MALRD1: variants seen among roughly 807,000 people sequenced by gnomAD.
MALRD1 encodes the protein MAM and LDL-receptor class A domain-containing protein 1.
Under a neutral mutation model 242.1 loss-of-function variants are expected in MALRD1, and 247 were observed. The ratio of observed to expected loss-of-function variants is 1.02; its 90% CI spans 0.92 to 1.13. The LOEUF is 1.13. Ranked by LOEUF, MALRD1 falls within the 50% of genes most tolerant of loss-of-function variation. The probability of loss-of-function intolerance (pLI) is 0.00; values close to 1 mark genes in which losing one functional copy is unlikely to be tolerated. For synonymous variants in MALRD1, 995 were observed against 866.6 expected (o/e 1.15, Z -2.60); for missense variants, 2,989 against 2,533.1 (o/e 1.18, Z -3.86).
chr10:19,469,752 A>G lies in MALRD1; in HGVS notation c.5029+19262A>G, dbSNP rs530732760. On this transcript the variant is annotated intron_variant, in intron 29 of 39. Coordinates refer to ENST00000454679, the MANE Select transcript of MALRD1 (RefSeq NM_001142308.3). ...TACATGCCAAAAATCAGTGTTGCAT[A>G]ATCAAAAATTGTTATTCGCTTTCTT... Among the ~76,000 whole-genome samples the G allele has an allele frequency of 1.8e-4, 27 of 152,200 alleles. No homozygotes were observed. In the South Asian group the frequency reaches 5.6e-3, roughly 31 times the overall value.
At chr10:19,186,192 A>G (rs1835730278) in intron 14 of MALRD1, among the ~76,000 whole-genome samples, 1 of 152,190 alleles carries the variant, frequency 6.6e-6, no homozygotes, top group Non-Finnish European at 1.5e-5. Flanking sequence ...ATTTTTCCTT[A>G]GTAAACTGGA....
chr10:19,444,439 C>T lies in MALRD1; in HGVS notation c.4846-5868C>T, dbSNP rs1028228078. ...TACAATTTGGCATGTTTTTGCAGTG[C>T]CTGGTACCAGTCGTTCTTTCCATGT... On this transcript the variant is annotated intron_variant, in intron 28 of 39. Transcript: ENST00000454679. Among the ~76,000 whole-genome samples the T allele has an allele frequency of 3.9e-5, 6 of 152,236 alleles. No homozygotes were observed. In the South Asian group the frequency reaches 1.2e-3, roughly 32 times the overall value.
chr10:19,731,982 T>C (rs1228550954), intron 39 of MALRD1, among the ~76,000 whole-genome samples: 2 of 152,188 alleles, frequency 1.3e-5, no homozygotes, highest in African/African-American at 4.8e-5. Context: ...CACTTGACTT[T>C]TTAATTTTTG....
At position 19,300,926 on chromosome 10, in the gene MALRD1, T is replaced by C. The variant is rs1166648509; in HGVS notation, c.3419+17745T>C. 2.6e-5 allele frequency among the ~76,000 whole-genome samples: 4 copies of C among 152,162 alleles called. No homozygotes were observed. The East Asian group carries it at 7.7e-4, about 29-fold the overall frequency. ...CTATCAACAGAGTAAACAGAAAATCTATAGAATGGGAGAAAATATTTGCAA... is the reference window on the plus strand; with the variant it reads ...CTATCAACAGAGTAAACAGAAAATCCATAGAATGGGAGAAAATATTTGCAA... On this transcript the variant is annotated intron_variant, in intron 21 of 39. Transcript: ENST00000454679.
chr10:19,644,272 C>G (rs1048252459), intron 36 of MALRD1, among the ~76,000 whole-genome samples: 1 of 152,168 alleles, frequency 6.6e-6, no homozygotes. Context: ...GGTTCCCTAA[C>G]TACAGGAACC....
intron 26 of MALRD1, among the ~76,000 whole-genome samples, chr10:19,376,818 A>T (rs1845628167): frequency 6.6e-6 from 1 of 151,966 alleles, no homozygotes; most frequent in Non-Finnish European, 1.5e-5. Context: ...ACAGTAAATG[A>T]TCTGACCACC....
intron 33 of MALRD1, among the ~76,000 whole-genome samples, chr10:19,575,327 A>T (rs1024603516): frequency 6.6e-6 from 1 of 152,114 alleles, no homozygotes; most frequent in African/African-American, 2.4e-5. Flanking sequence ...GTTGATTTCA[A>T]GCTGTGCATG....
rs1365729658 is a variant in MALRD1, at chr10:19,069,230, C to T, written c.340+2371C>T. 2.0e-5 allele frequency among the ~76,000 whole-genome samples: 3 copies of T among 151,942 alleles called. No individual in the cohort carries two copies. In the South Asian group the frequency reaches 6.2e-4, roughly 32 times the overall value. ...ATTTCCTAATTTGGGCATTTAAAAT[C>T]AGTTTTAAATGAGGATATTAGAGCT... is the stretch of plus-strand genomic sequence containing the variant. On this transcript the variant is annotated intron_variant, in intron 2 of 39. Coordinates refer to ENST00000454679, the MANE Select transcript of MALRD1 (RefSeq NM_001142308.3).
chr10:19,363,232 A>G (rs1011262175), intron 26 of MALRD1, among the ~76,000 whole-genome samples: 2 of 152,142 alleles, frequency 1.3e-5, no homozygotes, highest in Non-Finnish European at 2.9e-5. Context: ...TGAAGAATGA[A>G]TAATAAAGGA....
At chr10:19,250,097 A>G (rs775935885) in intron 18 of MALRD1, among the ~76,000 whole-genome samples, 30 of 126,622 alleles carry the variant, frequency 2.4e-4, no homozygotes, top group Non-Finnish European at 4.1e-4. Context: ...GTCTGATGGG[A>G]AAAAAAATGA....
At chr10:19,170,102 G>A (rs553674836) in intron 13 of MALRD1, among the ~76,000 whole-genome samples, 43 of 152,274 alleles carry the variant, frequency 2.8e-4, no homozygotes, top group African/African-American at 1.0e-3. Context: ...CTTCCTGCTG[G>A]CAAAGAATTA....
At chr10:19,403,716 A>G (rs556034258) in intron 28 of MALRD1, among the ~76,000 whole-genome samples, 1 of 152,196 alleles carries the variant, frequency 6.6e-6, no homozygotes, top group South Asian at 2.1e-4. Flanking sequence ...TTTTGACTTC[A>G]CTGGGGGTCA....
intron 19 of MALRD1, among the ~76,000 whole-genome samples, chr10:19,274,113 A>G (rs1274459083): frequency 6.6e-6 from 1 of 152,198 alleles, no homozygotes; most frequent in Non-Finnish European, 1.5e-5. Flanking sequence ...TGATGTAGCA[A>G]TGCTACTTTC....
chr10:19,175,244 A>G lies in MALRD1; in HGVS notation c.1867A>G (p.Thr623Ala). The change falls in exon 14 of 40, where the codon ACC (threonine) becomes GCC (alanine). Residue 623 changes from threonine to alanine, a missense_variant. Thr to Ala is a moderately conservative substitution (Grantham distance 58). Transcript: ENST00000454679. ...LEATVLSSNA[T>A]VALDDISVSQ... is the part of the protein sequence containing the mutation. ...AGCTACTGTTTTGTCGTCAAATGCT[A>G]CCGTTGCTCTAGATGACATCAGTGT... 3.3e-6 allele frequency: 4 copies of G among 1,230,452 alleles called. No individual in the cohort carries two copies. Among genetic ancestry groups the G allele is most frequent in the African/African-American group, 1.6e-5 (1 of 64,472 alleles). The allele number at this position is 1,230,452 out of a possible 1,614,324, so 76.2% of individuals were successfully genotyped here.
chr10:19,331,936 G>A (rs1339964022), intron 24 of MALRD1, among the ~76,000 whole-genome samples: 1 of 152,090 alleles, frequency 6.6e-6, no homozygotes, highest in Non-Finnish European at 1.5e-5. Context: ...CGTGATCTCG[G>A]TTCACTGCAA....
intron 35 of MALRD1, among the ~76,000 whole-genome samples, chr10:19,615,049 T>C (rs892002224): frequency 6.6e-6 from 1 of 152,036 alleles, no homozygotes; most frequent in Admixed American, 6.6e-5. Context: ...TAGTTAACAA[T>C]AATATATCGT....
chr10:19,684,063 T>G (rs1291616597), intron 36 of MALRD1, among the ~76,000 whole-genome samples: 1 of 152,224 alleles, frequency 6.6e-6, no homozygotes, highest in East Asian at 1.9e-4. Flanking sequence ...TGTGTTAGTT[T>G]GCTGAGGATG....
chr10:19,599,332 C>T (rs1838246009), intron 34 of MALRD1, among the ~76,000 whole-genome samples: 1 of 151,918 alleles, frequency 6.6e-6, no homozygotes, highest in Non-Finnish European at 1.5e-5. Flanking sequence ...CCTGTGAGTT[C>T]AACGTTTAAG....
In MALRD1 at chr10:19,390,330, T is replaced by C. The variant is rs150008428; in HGVS notation, c.4845+721T>C. 6.6e-3 allele frequency among the ~76,000 whole-genome samples: 1,005 copies of C among 152,340 alleles called. 7 individuals are homozygous for C. The highest frequency in any genetic ancestry group is 0.017 in the Middle Eastern group (5 of 294). ...ATAGACATTCTGGTTCTAAGCACAC[T>C]GTGCAAAGGACTGAACTACTCAGGA... On this transcript the variant is annotated intron_variant, in intron 28 of 39. Transcript: ENST00000454679.
Sources: allele counts gnomAD v4.1 joint callset (sites outside exome capture counted in the v4.1 genomes callset), GRCh38; gene constraint gnomAD v4.1.1; transcripts MANE v1.5; gene names NCBI Gene and HGNC (gene_info 2026-07-23, HGNC 2026-07-21).